Variants in CDH13 observed in about 807,000 individuals in gnomAD.
The protein encoded by CDH13 is cadherin-13.
CDH13 carries 24 observed loss-of-function variants against 63.8 expected under a neutral mutation model. That is an observed-to-expected ratio of 0.38 (90% CI 0.27 to 0.53). The LOEUF (loss-of-function observed/expected upper bound fraction) is 0.53. Among genes scored for constraint, CDH13 ranks in the 20% least tolerant of loss-of-function variants. CDH13 has a pLI of 0.85. For missense variants in CDH13, 1,049 were observed against 903.1 expected (o/e 1.16, Z -2.07); for synonymous variants, 503 against 355.3 (o/e 1.42, Z -4.67).
chr16:82,842,145 T>TATATGTATATATATATATATATATAC (rs2039055358), intron 1 of CDH13, among the ~76,000 whole-genome samples: 1 of 27,598 alleles, frequency 3.6e-5, no homozygotes, highest in African/African-American at 1.2e-4. Flanking sequence ...TATACACATA[T>TATATGTATATATATATATATATATAC]ATATATATAT....
chr16:82,682,967 C>T (rs1029107783), intron 1 of CDH13, among the ~76,000 whole-genome samples: 2 of 152,182 alleles, frequency 1.3e-5, no homozygotes, highest in Non-Finnish European at 2.9e-5. Flanking sequence ...ACACTATCTC[C>T]AGGAAGCAGC....
chr16:83,377,992 A>G (rs1262184866), intron 6 of CDH13, among the ~76,000 whole-genome samples: 1 of 152,210 alleles, frequency 6.6e-6, no homozygotes, highest in African/African-American at 2.4e-5. Flanking sequence ...TAAAACAAAT[A>G]TATCCCTTCT....
At chr16:83,602,357 A>G in intron 7 of CDH13, 97 bp from the exon 8 acceptor site, 1 of 1,159,168 alleles carries the variant, frequency 8.6e-7, no homozygotes, top group Non-Finnish European at 1.3e-6. Flanking sequence ...TAGATGGAGG[A>G]GGGGGAGAGA....
intron 4 of CDH13, among the ~76,000 whole-genome samples, chr16:83,159,511 G>T (rs993483115): frequency 1.3e-5 from 2 of 152,120 alleles, no homozygotes; most frequent in Non-Finnish European, 2.9e-5. Flanking sequence ...TAGGTTGTTG[G>T]AGAATTAAAC....
intron 7 of CDH13, among the ~76,000 whole-genome samples, chr16:83,516,344 C>G (rs1183911872): frequency 2.6e-5 from 4 of 152,184 alleles, no homozygotes; most frequent in Non-Finnish European, 5.9e-5. Flanking sequence ...TTGAGCCAGG[C>G]TTTCATGTCA....
intron 5 of CDH13, among the ~76,000 whole-genome samples, chr16:83,275,351 A>G (rs1408868915): frequency 2.0e-5 from 3 of 152,196 alleles, no homozygotes; most frequent in Non-Finnish European, 4.4e-5. Context: ...CTGTTGGGTC[A>G]TGTCCACCTA....
chr16:83,728,627 C>T lies in CDH13; in HGVS notation c.1539-19481C>T, dbSNP rs371400959. On this transcript the variant is annotated intron_variant, in intron 10 of 13. Transcript: ENST00000567109. ...AGCAAAGATAAATAAGCGTGTCTCT[C>T]GGCCTTCAAAGCACTGTGCCCAGCA... Among the ~76,000 whole-genome samples, 17 of 152,224 alleles carry T rather than the reference C, an allele frequency of 1.1e-4. 1 individual carries two copies. The highest frequency in any genetic ancestry group is 1.3e-4 in the Non-Finnish European group (9 of 68,022).
intron 10 of CDH13, among the ~76,000 whole-genome samples, chr16:83,710,834 C>T (rs1328208428): frequency 6.6e-6 from 1 of 152,108 alleles, no homozygotes; most frequent in Non-Finnish European, 1.5e-5. Context: ...GGCTGCAACT[C>T]GGGCACCTGA....
intron 7 of CDH13, among the ~76,000 whole-genome samples, chr16:83,551,166 C>G (rs893992949): frequency 1.3e-5 from 2 of 152,056 alleles, no homozygotes; most frequent in African/African-American, 4.8e-5. Flanking sequence ...CCTGCAAACT[C>G]CGCCTCCCGG....
intron 1 of CDH13, among the ~76,000 whole-genome samples, chr16:82,802,477 C>T (rs1171365705): frequency 6.6e-6 from 1 of 152,110 alleles, no homozygotes; most frequent in Non-Finnish European, 1.5e-5. Flanking sequence ...CAGAGGTTCT[C>T]CTTTTCTCTG....
intron 5 of CDH13, among the ~76,000 whole-genome samples, chr16:83,318,445 G>A (rs1335972461): frequency 2.0e-5 from 3 of 152,082 alleles, no homozygotes; most frequent in African/African-American, 7.2e-5. Flanking sequence ...AATGAACCAG[G>A]GATTCACACA....
At chr16:82,809,587 G>A (rs532701318) in intron 1 of CDH13, among the ~76,000 whole-genome samples, 9 of 152,088 alleles carry the variant, frequency 5.9e-5, no homozygotes, top group Non-Finnish European at 1.2e-4. Flanking sequence ...ATCTTTCTTT[G>A]GATTTGGTTT....
At chr16:83,334,226 T>A (rs2090538339) in intron 5 of CDH13, among the ~76,000 whole-genome samples, 1 of 152,002 alleles carries the variant, frequency 6.6e-6, no homozygotes, top group Non-Finnish European at 1.5e-5. Context: ...GCCATATAAT[T>A]CATGCTAGTC....
At chr16:82,945,302 T>A (rs908008099) in intron 2 of CDH13, among the ~76,000 whole-genome samples, 5 of 152,292 alleles carry the variant, frequency 3.3e-5, no homozygotes, top group African/African-American at 1.2e-4. Flanking sequence ...TGTGTTCTAA[T>A]AAAACTTAAT....
chr16:83,439,604 A>G (rs1210293674), intron 6 of CDH13, among the ~76,000 whole-genome samples: 1 of 152,166 alleles, frequency 6.6e-6, no homozygotes, highest in Non-Finnish European at 1.5e-5. Context: ...AGAAGCAGCT[A>G]TTGTTTTAGC....
At chr16:83,759,481 G>C (rs1913780744) in intron 11 of CDH13, among the ~76,000 whole-genome samples, 1 of 151,712 alleles carries the variant, frequency 6.6e-6, no homozygotes. Flanking sequence ...CTTTGTGTAA[G>C]CAAAGCTTTT....
rs903407952 is a variant in CDH13 at position 83,706,803 on chromosome 16, G to A, written c.1538+28342G>A. 6.6e-5 allele frequency among the ~76,000 whole-genome samples: 10 copies of A among 152,350 alleles called. No individual in the cohort carries two copies. The East Asian group carries it at 1.7e-3, about 26-fold the overall frequency. On this transcript the variant is annotated intron_variant, in intron 10 of 13. Coordinates refer to ENST00000567109, the MANE Select transcript of CDH13 (RefSeq NM_001257.5). ...GCGATCTAGGTTCCTGGGATGAATG[G>A]ATGATATTTTTAGGCTCTCACGATC... is the stretch of plus-strand genomic sequence containing the variant.
chr16:82,655,702 T>C (rs902833817), intron 1 of CDH13, among the ~76,000 whole-genome samples: 1 of 152,178 alleles, frequency 6.6e-6, no homozygotes. Context: ...GGCTATTTTT[T>C]TCTTGTTTAC....
At position 82,867,859 on chromosome 16, in the gene CDH13, G is replaced by C. The variant is rs771914384; in HGVS notation, c.157+9386G>C. On this transcript the variant is annotated intron_variant, in intron 2 of 13. Coordinates refer to ENST00000567109, the MANE Select transcript of CDH13 (RefSeq NM_001257.5). ...TTTGCAGCCTCACAGGTGGAGAATTGCCTGTTTCCTGAGTTCAAGCTGACT... is the reference window on the plus strand; with the variant it reads ...TTTGCAGCCTCACAGGTGGAGAATTCCCTGTTTCCTGAGTTCAAGCTGACT... 7.9e-5 allele frequency among the ~76,000 whole-genome samples: 12 copies of C among 152,302 alleles called. No individual in the cohort carries two copies. In the South Asian group the frequency reaches 1.4e-3, roughly 18 times the overall value.
Sources: gnomAD v4.1 joint callset for allele counts (sites outside exome capture counted in the v4.1 genomes callset) on GRCh38, gnomAD v4.1.1 for gene constraint, MANE v1.5 for transcripts, NCBI Gene and HGNC (gene_info 2026-07-23, HGNC 2026-07-21) for gene names.